SEMA6B: variants seen among roughly 807,000 people sequenced by gnomAD.
SEMA6B encodes semaphorin-6B.
A neutral mutation model predicts 78.6 loss-of-function variants in SEMA6B; 47 were observed. That is an observed-to-expected ratio of 0.60 (90% CI 0.47 to 0.76). The LOEUF (loss-of-function observed/expected upper bound fraction) is 0.76, where lower values mean the gene tolerates loss of function less well. SEMA6B is among the 30% of genes least tolerant of loss of function. The pLI, the probability that SEMA6B is intolerant of heterozygous loss-of-function variation, is 0.00. For missense variants in SEMA6B, 1,213 were observed against 1,269.9 expected (o/e 0.96, Z 0.68); for synonymous variants, 632 against 592.2 (o/e 1.07, Z -0.98).
Position 4,550,488 on chromosome 19 carries a change from C to T in SEMA6B, c.1122-216G>A, listed in dbSNP as rs931287160. ...AAGCGATTCTCCTGCTTCAGCCACCCGAGTGGCTGGGATTACAGGCACGTG... is the reference window on the plus strand; with the variant it reads ...AAGCGATTCTCCTGCTTCAGCCACCTGAGTGGCTGGGATTACAGGCACGTG... On this transcript the variant is annotated intron_variant, in intron 11 of 16. Transcript: ENST00000586582. The surrounding 1 kb of genome is among the most constrained non-coding windows in gnomAD (Gnocchi z 6.6). Among the ~76,000 whole-genome samples the T allele has an allele frequency of 6.6e-6, 1 of 152,236 alleles. No homozygotes were observed. Among genetic ancestry groups the T allele is most frequent in the South Asian group, 2.1e-4 (1 of 4,824 alleles).
At chr19:4,553,415 G>T (rs1440304322) in intron 9 of SEMA6B, among the ~76,000 whole-genome samples, 1 of 56,824 alleles carries the variant, frequency 1.8e-5, no homozygotes, top group African/African-American at 8.0e-5. Context: ...GGATGGATAG[G>T]TGAGTTGGAT....
Position 4,544,972 on chromosome 19 carries a change from T to C in SEMA6B, c.1739-443A>G, listed in dbSNP as rs550623824. 1.4e-4 allele frequency among the ~76,000 whole-genome samples: 21 copies of C among 152,168 alleles called. No homozygotes were observed. The South Asian group carries it at 4.4e-3, about 32-fold the overall frequency. Reference sequence around the variant, plus strand: ...TTTAATTTTTTTTGTTTGTTTGTTTTGAGACAGTCCCCCAGGCTAGAGTGC... The same window carrying C: ...TTTAATTTTTTTTGTTTGTTTGTTTCGAGACAGTCCCCCAGGCTAGAGTGC... On this transcript the variant is annotated intron_variant, in intron 16 of 16. Transcript: ENST00000586582. The surrounding 1 kb of genome is among the most constrained non-coding windows in gnomAD (Gnocchi z 5.1).
intron 16 of SEMA6B, among the ~76,000 whole-genome samples, chr19:4,545,209 T>C (rs1387056814): frequency 5.3e-5 from 8 of 151,602 alleles, no homozygotes; most frequent in Admixed American, 2.6e-4. Context: ...GACATGGTGG[T>C]GTGCGCCTGT....
intron 3 of SEMA6B, 77 bp downstream of exon 3, chr19:4,557,949 C>T (rs1977516642): frequency 1.6e-6 from 2 of 1,230,872 alleles, no homozygotes; most frequent in East Asian, 6.3e-5. Context: ...CATCCCCTCC[C>T]TGCCCTCGCC....
intron 3 of SEMA6B, 143 bp from the exon 4 acceptor site, chr19:4,557,366 A>G (rs1040342218): frequency 1.6e-6 from 1 of 624,708 alleles, no homozygotes; most frequent in African/African-American, 1.8e-5. Flanking sequence ...AGCGCCGACC[A>G]CACCCCCCCA....
Position 4,552,429 on chromosome 19 carries a change from T to C in SEMA6B, c.982A>G (p.Ser328Gly). 2 of 1,581,504 alleles carry C rather than the reference T, an allele frequency of 1.3e-6. No homozygotes were observed. Among genetic ancestry groups the C allele is most frequent in the Non-Finnish European group, 8.6e-7 (1 of 1,164,290 alleles). Residue 328 changes from serine (S) to glycine (G), a missense_variant, in exon 10 of 17, where the codon AGC becomes GGC. Physicochemically the swap from Ser to Gly is moderately conservative, Grantham distance 56. Coordinates refer to ENST00000586582, the MANE Select transcript of SEMA6B (RefSeq NM_032108.4). The surrounding 1 kb of genome is among the most constrained non-coding windows in gnomAD (Gnocchi z 7.4). ...PVVLAVFSTP[S>G]NSIPGSAVCA... ...CCATTGGTGGGCGCTGACCTGTTGCTGGGCGTGGAAAAAACGGCCAGGACC... is the reference window on the plus strand; with the variant it reads ...CCATTGGTGGGCGCTGACCTGTTGCCGGGCGTGGAAAAAACGGCCAGGACC...
At chr19:4,556,557 G>A (rs1977475670) in intron 5 of SEMA6B, among the ~76,000 whole-genome samples, 1 of 149,820 alleles carries the variant, frequency 6.7e-6, no homozygotes, top group Non-Finnish European at 1.5e-5. Context: ...ATAGGGGAGG[G>A]GTCGGGATGG....
At chr19:4,554,090 G>A (rs79146203) in intron 9 of SEMA6B, among the ~76,000 whole-genome samples, 11,587 of 151,884 alleles carry the variant, frequency 0.076, 673 homozygotes, top group African/African-American at 0.14. Context: ...CGGATGGACA[G>A]GGGATGAAGG....
In SEMA6B at chr19:4,543,292, G is replaced by C. The variant is rs1029216986; in HGVS notation, c.*309C>G. The C allele has an allele frequency of 8.3e-6, 4 of 479,868 alleles. No homozygotes were observed. Among genetic ancestry groups the C allele is most frequent in the Non-Finnish European group, 1.5e-5 (4 of 272,134 alleles). 29.7% of individuals were successfully genotyped at this position (479,868 alleles called of 1,614,324 possible). ...GAGAACGGAGTTGTGCAATTGGTTAGAAAACCGCAAAAGAAACCAAAACTG... is the reference window on the plus strand; with the variant it reads ...GAGAACGGAGTTGTGCAATTGGTTACAAAACCGCAAAAGAAACCAAAACTG... On this transcript the variant is annotated 3_prime_UTR_variant, in exon 17 of 17. Transcript: ENST00000586582.
chr19:4,544,435 G>C lies in SEMA6B; in HGVS notation c.1833C>G (p.Ala611=). Residue 611 remains alanine, a synonymous_variant, in exon 17 of 17, where the codon GCC becomes GCG. Transcript: ENST00000586582. This position sits in a 1 kb window ranked among gnomAD's most constrained non-coding sequence, Gnocchi z 5.1. ...TSSVAAFVVG[A]VVSGFSVGWF... ...AGCCCACGCTGAAGCCGGACACCACGGCTCCCACCACGAAGGCCGCCACCG... is the reference window on the plus strand; with the variant it reads ...AGCCCACGCTGAAGCCGGACACCACCGCTCCCACCACGAAGGCCGCCACCG... 6.2e-7 allele frequency: 1 copy of C among 1,602,020 alleles called. No individual in the cohort carries two copies. The highest frequency in any genetic ancestry group is 8.5e-7 in the Non-Finnish European group (1 of 1,175,244).
Position 4,558,338 on chromosome 19 carries a change from G to A in SEMA6B, c.120C>T (p.Asp40=). 7.6e-7 allele frequency: 1 copy of A among 1,315,230 alleles called. No homozygotes were observed. Among genetic ancestry groups the A allele is most frequent in the South Asian group, 2.7e-5 (1 of 37,552 alleles). The allele number at this position is 1,315,230 out of a possible 1,614,324, so 81.5% of individuals were successfully genotyped here. The part of the protein sequence containing the change: ...EPPPLSVAPR[D]YLNHYPVFVG... Reference sequence around the variant, plus strand: ...GCCCAAAGACACCCCCAGACTCACAGTCCCTGGGGGCCACGCTAAGCGGCG... The same window carrying A: ...GCCCAAAGACACCCCCAGACTCACAATCCCTGGGGGCCACGCTAAGCGGCG... The change falls in exon 2 of 17, where the codon GAC becomes GAT. Residue 40 remains aspartate (D), a splice_region_variant and synonymous_variant. Transcript: ENST00000586582. The surrounding 1 kb of genome is among the most constrained non-coding windows in gnomAD (Gnocchi z 5.1).
rs1476563128 is a variant in SEMA6B at position 4,544,467 on chromosome 19, T to A, written c.1801A>T (p.Thr601Ser). 6.3e-7 allele frequency: 1 copy of A among 1,597,624 alleles called. No homozygotes were observed. The highest frequency in any genetic ancestry group is 8.5e-7 in the Non-Finnish European group (1 of 1,173,062). Residue 601 changes from threonine (T) to serine (S), a missense_variant, in exon 17 of 17, where the codon ACG becomes TCG. Coordinates refer to ENST00000586582, the MANE Select transcript of SEMA6B (RefSeq NM_032108.4). The surrounding 1 kb of genome is among the most constrained non-coding windows in gnomAD (Gnocchi z 5.1). The stretch of plus-strand genomic sequence containing the variant: ...ACCACGAAGGCCGCCACCGACGACG[T>A]TACCAGCAGGTTCACCGACACCAGC... ...AGLVSVNLLV[T>S]SSVAAFVVGA...
chr19:4,547,964 G>C, intron 14 of SEMA6B, 63 bp downstream of exon 14: 1 of 1,476,706 alleles, frequency 6.8e-7, no homozygotes, highest in Non-Finnish European at 9.0e-7. Flanking sequence ...GAACCCAGCT[G>C]TCCCTCCCTG....
chr19:4,547,061 G>A (rs1331526563), intron 14 of SEMA6B, among the ~76,000 whole-genome samples: 5 of 151,924 alleles, frequency 3.3e-5, no homozygotes, highest in Non-Finnish European at 7.4e-5. Flanking sequence ...CCAGGCTCAA[G>A]TGATCCTCCT....
rs1366562791 is a variant in SEMA6B at position 4,555,182 on chromosome 19, T to G, written c.563-87A>C. ...GGGTCGAAACTCGATTTTCTGAGAC[T>G]GAGTCCTGAGCCTAGGGGAGCCCCT... On this transcript the variant is annotated intron_variant, in intron 7 of 16. Transcript: ENST00000586582. The surrounding 1 kb of genome is among the most constrained non-coding windows in gnomAD (Gnocchi z 6.1). 4.7e-5 allele frequency: 66 copies of G among 1,418,748 alleles called. No homozygotes were observed. Among genetic ancestry groups the G allele is most frequent in the Non-Finnish European group, 6.1e-5 (62 of 1,023,812 alleles). 87.9% of individuals were successfully genotyped at this position (1,418,748 alleles called of 1,614,324 possible).
chr19:4,555,068 G>A lies in SEMA6B; in HGVS notation c.590C>T (p.Thr197Ile). ...GACAGCATCAATGGCTAGGAAGTCG[G>A]TAACAGTAGCTGTGAAGAGCATCCC... ...SDGMLFTATV[T>I]DFLAIDAVIY... The change falls in exon 8 of 17, where the codon ACC becomes ATC. Residue 197 changes from threonine to isoleucine, a missense_variant. Coordinates refer to ENST00000586582, the MANE Select transcript of SEMA6B (RefSeq NM_032108.4). This position sits in a 1 kb window ranked among gnomAD's most constrained non-coding sequence, Gnocchi z 6.1. 1 of 1,613,946 alleles carries A rather than the reference G, an allele frequency of 6.2e-7. No homozygotes were observed. The highest frequency in any genetic ancestry group is 8.5e-7 in the Non-Finnish European group (1 of 1,179,992).
chr19:4,550,161 C>A lies in SEMA6B; in HGVS notation c.1233G>T (p.Ser411=), dbSNP rs138775166. The change falls in exon 12 of 17, where the codon TCG becomes TCT. Residue 411 remains serine (S), a synonymous_variant. Transcript: ENST00000586582. This position sits in a 1 kb window ranked among gnomAD's most constrained non-coding sequence, Gnocchi z 6.6. ...THPLMDEAVP[S]LGHAPWILRT... is the part of the protein sequence containing the mutation. ...GCAGGATCCAGGGCGCATGGCCCAG[C>A]GAGGGCACCGCCTCGTCCATCAGAG... The A allele has an allele frequency of 7.4e-6, 12 of 1,613,818 alleles. 1 individual carries two copies. In the South Asian group the frequency reaches 1.2e-4, roughly 16 times the overall value.
Position 4,558,504 on chromosome 19 carries a change from C to G in SEMA6B, c.-32-15G>C. On this transcript the variant is annotated splice_polypyrimidine_tract_variant and intron_variant, in intron 1 of 16. Coordinates refer to ENST00000586582, the MANE Select transcript of SEMA6B (RefSeq NM_032108.4). This position sits in a 1 kb window ranked among gnomAD's most constrained non-coding sequence, Gnocchi z 5.1. ...GGAGGTGACGCCTGCGGGCAAGGGG[C>G]GGCGAGGTGAGCGGCCTGCAGTCCC... 1.9e-5 allele frequency: 23 copies of G among 1,234,590 alleles called. No individual in the cohort carries two copies. The highest frequency in any genetic ancestry group is 2.3e-5 in the Non-Finnish European group (23 of 987,792). The allele number at this position is 1,234,590 out of a possible 1,614,324, so 76.5% of individuals were successfully genotyped here.
chr19:4,550,784 G>A lies in SEMA6B; in HGVS notation c.1121+15C>T, dbSNP rs1480814725. The A allele has an allele frequency of 5.0e-6, 8 of 1,613,032 alleles. No individual in the cohort carries two copies. The East Asian group carries it at 8.9e-5, about 18-fold the overall frequency. On this transcript the variant is annotated intron_variant, in intron 11 of 16. Coordinates refer to ENST00000586582, the MANE Select transcript of SEMA6B (RefSeq NM_032108.4). This position sits in a 1 kb window ranked among gnomAD's most constrained non-coding sequence, Gnocchi z 6.6. ...CTCATCCGGGCATGTGACTCAGGAT[G>A]GAGGGGGTTCTCACCGGGGTCGAGG...
Sources: gnomAD v4.1 joint callset for allele counts (sites outside exome capture counted in the v4.1 genomes callset) on GRCh38, gnomAD v4.1.1 for gene constraint, Gnocchi (gnomAD v3.1) non-coding constraint, MANE v1.5 for transcripts, NCBI Gene and HGNC (gene_info 2026-07-23, HGNC 2026-07-21) for gene names.